HOMER2: variants seen among roughly 807,000 people sequenced by gnomAD.
The protein encoded by HOMER2 is homer protein homolog 2.
Under a neutral mutation model 47.0 loss-of-function variants are expected in HOMER2, and 27 were observed. That is an observed-to-expected ratio of 0.57 (90% confidence interval 0.42 to 0.79). The LOEUF is 0.79. Among genes scored for constraint, HOMER2 ranks in the 30% least tolerant of loss-of-function variants. The pLI, the probability that HOMER2 is intolerant of heterozygous loss-of-function variation, is 0.00. For synonymous variants in HOMER2, 161 were observed against 163.8 expected (o/e 0.98, Z 0.13); for missense variants, 443 against 435.0 (o/e 1.02, Z -0.16).
exon 2 of HOMER2, chr15:82,841,922 A>G (rs2051179827): frequency 6.6e-6 from 1 of 152,240 alleles, no homozygotes; most frequent in African/African-American, 2.4e-5. Flanking sequence ...TCAAAGTGCT[A>G]AAACATACTT....
At position 82,852,223 on chromosome 15, in the gene HOMER2, C is replaced by T; in HGVS notation, c.681G>A (p.Glu227=). 1 of 1,613,938 alleles carries T rather than the reference C, an allele frequency of 6.2e-7. No individual in the cohort carries two copies. The highest frequency in any genetic ancestry group is 2.2e-5 in the East Asian group (1 of 44,896). ...KIDELEEQCS[E]INREKEKNTQ... ...TGTTCTTCTCCTTCTCTCTGTTGAT[C>T]TCACTGCATTGTTCTTCCAGCTCAT... is the stretch of plus-strand genomic sequence containing the variant. The change falls in exon 7 of 9, where the codon GAG becomes GAA. Residue 227 remains glutamate, a synonymous_variant. Coordinates refer to ENST00000450735, the MANE Select transcript of HOMER2 (RefSeq NM_004839.4).
chr15:82,872,805 G>C (rs2052221459), intron 3 of HOMER2, among the ~76,000 whole-genome samples: 1 of 152,224 alleles, frequency 6.6e-6, no homozygotes, highest in Admixed American at 6.5e-5. Context: ...GCCTGGATTT[G>C]ACATCTCAGT....
At chr15:82,904,147 C>T (rs2053218223) in intron 1 of HOMER2, among the ~76,000 whole-genome samples, 1 of 152,056 alleles carries the variant, frequency 6.6e-6, no homozygotes, top group South Asian at 2.1e-4. Flanking sequence ...AACAAAAAAA[C>T]AAAAAACACG....
At chr15:82,860,756 G>A (rs1182640022) in intron 4 of HOMER2, among the ~76,000 whole-genome samples, 6 of 151,958 alleles carry the variant, frequency 3.9e-5, no homozygotes, top group African/African-American at 1.2e-4. Context: ...GGCCAATATG[G>A]TGAAACCCTG....
chr15:82,900,755 C>T (rs1036723388), intron 1 of HOMER2, among the ~76,000 whole-genome samples: 1 of 152,172 alleles, frequency 6.6e-6, no homozygotes, highest in African/African-American at 2.4e-5. Context: ...TCTGCTGGAC[C>T]TTAGCCAGAT....
intron 7 of HOMER2, among the ~76,000 whole-genome samples, chr15:82,851,535 G>A (rs1179351343): frequency 1.3e-5 from 2 of 152,216 alleles, no homozygotes; most frequent in East Asian, 3.8e-4. Context: ...TCCAACATGT[G>A]TGCACTTAAC....
downstream of HOMER2, chr15:82,844,489 T>A (rs1333825970): frequency 6.6e-6 from 1 of 152,102 alleles, no homozygotes; most frequent in Non-Finnish European, 1.5e-5. Flanking sequence ...ATAAAAGTTA[T>A]AAAACAGTAT....
intron 1 of HOMER2, among the ~76,000 whole-genome samples, chr15:82,968,483 A>C (rs908502156): frequency 3.0e-4 from 45 of 152,256 alleles, no homozygotes; most frequent in African/African-American, 1.1e-3. Flanking sequence ...AAGGGTCTGC[A>C]GTGAAAAGTC....
rs1218682369 is a variant in HOMER2, at chr15:82,892,844, G to C, written c.6-3C>G. 6.4e-7 allele frequency: 1 copy of C among 1,557,702 alleles called. No individual in the cohort carries two copies. The highest frequency in any genetic ancestry group is 8.8e-7 in the Non-Finnish European group (1 of 1,141,876). On this transcript the variant is annotated splice_region_variant and splice_polypyrimidine_tract_variant and intron_variant, in intron 1 of 8. Coordinates refer to ENST00000450735, the MANE Select transcript of HOMER2 (RefSeq NM_004839.4). The stretch of plus-strand genomic sequence containing the variant: ...GGGTGGTGAAGATGGGCTGTTCTCT[G>C]CAATAAGAGAGTGGGCGTGTGAGTT...
Position 82,849,750 on chromosome 15 carries a change from G to A in HOMER2, c.997C>T (p.Arg333Cys), listed in dbSNP as rs754280716. 4.1e-5 allele frequency: 66 copies of A among 1,613,752 alleles called. No homozygotes were observed. The highest frequency in any genetic ancestry group is 5.3e-5 in the Non-Finnish European group (63 of 1,179,842). ...DGKIDDLHDF[R>C]RGLSKLGTDN Reference sequence around the variant, plus strand: ...GTGCCCAGCTTGGAGAGCCCTCGGCGGAAGTCATGCAGGTCGTCAATCTTC... The same window carrying A: ...GTGCCCAGCTTGGAGAGCCCTCGGCAGAAGTCATGCAGGTCGTCAATCTTC... The change falls in exon 9 of 9, where the codon CGC becomes TGC. Residue 333 changes from arginine (R) to cysteine (C), a missense_variant. Physicochemically the swap from Arg to Cys is radical, Grantham distance 180 (BLOSUM62 -3). Coordinates refer to ENST00000450735, the MANE Select transcript of HOMER2 (RefSeq NM_004839.4).
At chr15:82,962,186 C>T (rs1026591874) in intron 1 of HOMER2, among the ~76,000 whole-genome samples, 5 of 150,984 alleles carry the variant, frequency 3.3e-5, no homozygotes, top group Non-Finnish European at 7.4e-5. Context: ...CTGGCTAACA[C>T]GGTGAAACCC....
intron 1 of HOMER2, among the ~76,000 whole-genome samples, chr15:82,931,024 G>C (rs753466642): frequency 6.6e-6 from 1 of 151,858 alleles, no homozygotes; most frequent in Non-Finnish European, 1.5e-5. Flanking sequence ...AGGTGCTCTT[G>C]GGCTCCCTCA....
intron 1 of HOMER2, among the ~76,000 whole-genome samples, chr15:82,972,307 C>G (rs1425273757): frequency 3.9e-5 from 6 of 152,166 alleles, no homozygotes; most frequent in East Asian, 3.9e-4. Flanking sequence ...TGCACCTCTA[C>G]CTGAAGGTGG....
intron 1 of HOMER2, among the ~76,000 whole-genome samples, chr15:82,935,592 T>C (rs535954933): frequency 2.6e-5 from 4 of 152,286 alleles, no homozygotes; most frequent in East Asian, 1.9e-4. Flanking sequence ...CCTGAACCTG[T>C]TGATACTGAA....
At chr15:82,835,341 GTC>G (rs2051114179), downstream of HOMER2, 1 of 152,410 alleles carries the variant, frequency 6.6e-6, no homozygotes, top group Admixed American at 6.5e-5. Context: ...TGGCAGGATG[GTC>G]TCGATCTCTT....
intron 1 of HOMER2, among the ~76,000 whole-genome samples, chr15:82,959,910 C>T (rs2054616317): frequency 6.6e-6 from 1 of 152,174 alleles, no homozygotes; most frequent in South Asian, 2.1e-4. Flanking sequence ...AGGTGCAGTA[C>T]CTCCTGTGAA....
At chr15:82,917,826 C>T (rs1340914058) in intron 1 of HOMER2, among the ~76,000 whole-genome samples, 1 of 152,178 alleles carries the variant, frequency 6.6e-6, no homozygotes, top group Non-Finnish European at 1.5e-5. Flanking sequence ...AAAATTATAT[C>T]ACATGTGCCC....
At chr15:82,971,329 T>C (rs909253524) in intron 1 of HOMER2, among the ~76,000 whole-genome samples, 2 of 152,040 alleles carry the variant, frequency 1.3e-5, no homozygotes, top group African/African-American at 4.8e-5. Context: ...GTTTCTAACA[T>C]TGGTGATTCC....
intron 1 of HOMER2, among the ~76,000 whole-genome samples, chr15:82,961,313 A>G (rs1371006666): frequency 6.6e-6 from 1 of 152,238 alleles, no homozygotes; most frequent in Non-Finnish European, 1.5e-5. Context: ...TCATCTACCC[A>G]GCAAACACTT....
Sources: allele counts gnomAD v4.1 joint callset (sites outside exome capture counted in the v4.1 genomes callset), GRCh38; gene constraint gnomAD v4.1.1; transcripts MANE v1.5; gene names NCBI Gene and HGNC (gene_info 2026-07-23, HGNC 2026-07-21).